The following FBXL5 variants were observed in gnomAD, a reference collection of about 807,000 sequenced individuals.
The protein encoded by FBXL5 is F-box/LRR-repeat protein 5.
FBXL5 carries 26 observed loss-of-function variants against 78.3 expected under a neutral mutation model. That is an observed-to-expected ratio of 0.33 (90% confidence interval 0.24 to 0.46). FBXL5 has a LOEUF of 0.46. Ranked by LOEUF, FBXL5 falls within the 20% of genes least tolerant of loss-of-function variation. FBXL5 has a pLI of 1.00. For missense variants in FBXL5, 710 were observed against 829.2 expected (o/e 0.86, Z 1.77); for synonymous variants, 295 against 282.5 (o/e 1.04, Z -0.45).
At chr4:15,638,739 T>G in intron 3 of FBXL5, 45 bp from the exon 4 acceptor site, 1 of 1,228,702 alleles carries the variant, frequency 8.1e-7, no homozygotes, top group Non-Finnish European at 1.2e-6. Flanking sequence ...TTCATTCGTG[T>G]TGATTTACTC....
intron 2 of FBXL5, among the ~76,000 whole-genome samples, chr4:15,643,258 C>T (rs1715068819): frequency 6.6e-6 from 1 of 152,146 alleles, no homozygotes; most frequent in African/African-American, 2.4e-5. Context: ...TTAGTCTTTT[C>T]TTTATCTTTA....
At chr4:15,610,929 A>G (rs1453726160) in intron 10 of FBXL5, among the ~76,000 whole-genome samples, 1 of 152,118 alleles carries the variant, frequency 6.6e-6, no homozygotes, top group East Asian at 1.9e-4. Flanking sequence ...CTACAATAAA[A>G]TAACTTTATG....
intron 4 of FBXL5, among the ~76,000 whole-genome samples, 161 bp downstream of exon 4, chr4:15,638,347 C>A (rs1028334432): frequency 1.4e-4 from 21 of 152,150 alleles, no homozygotes; most frequent in African/African-American, 4.3e-4. Flanking sequence ...AAAATGAGAA[C>A]CATCGTCTTC....
chr4:15,625,415 G>C lies in FBXL5; in HGVS notation c.1687C>G (p.Leu563Val), dbSNP rs1560218585. The C allele has an allele frequency of 6.2e-7, 1 of 1,614,144 alleles. No homozygotes were observed. Among genetic ancestry groups the C allele is most frequent in the East Asian group, 2.2e-5 (1 of 44,874 alleles). ...TGTALRTMSS[L>V]PESSAMCRKA... ...CTACACATTGCAGAAGATTCTGGGAGTGATGACATAGTTCTTAAAGCTGTT... is the reference window on the plus strand; with the variant it reads ...CTACACATTGCAGAAGATTCTGGGACTGATGACATAGTTCTTAAAGCTGTT... The change falls in exon 9 of 11, where the codon CTC becomes GTC. Residue 563 changes from leucine (L) to valine (V), a missense_variant. Around this residue, in one of 4 missense-constraint regions of FBXL5, gnomAD observed 517 missense variants for 542.9 expected, o/e 0.95. Coordinates refer to ENST00000341285, the MANE Select transcript of FBXL5 (RefSeq NM_012161.4).
chr4:15,679,562 CA>C (rs1202369624), intron 1 of FBXL5, among the ~76,000 whole-genome samples: 15,405 of 94,340 alleles, frequency 0.16, 762 homozygotes, highest in Non-Finnish European at 0.19. Context: ...AGTTCAGGAA[CA>C]AAAAAAAAAA....
intron 9 of FBXL5, among the ~76,000 whole-genome samples, chr4:15,617,914 C>T (rs376799599): frequency 1.7e-4 from 26 of 152,148 alleles, no homozygotes; most frequent in African/African-American, 5.3e-4. Flanking sequence ...CCATGGCACA[C>T]GTTTACCTAC....
intron 9 of FBXL5, among the ~76,000 whole-genome samples, chr4:15,623,324 G>A (rs1429594547): frequency 1.3e-5 from 2 of 151,564 alleles, no homozygotes; most frequent in Non-Finnish European, 2.9e-5. Flanking sequence ...GTAAGTTCTG[G>A]GTTTTTTAAA....
upstream of FBXL5, among the ~76,000 whole-genome samples, chr4:15,664,550 C>T (rs1161467379): frequency 1.3e-5 from 1 of 75,522 alleles, no homozygotes; most frequent in African/African-American, 5.3e-5. Flanking sequence ...GGCCCTCATC[C>T]TTTTTTTTTT....
At chr4:15,636,285 T>A (rs1195149893) in intron 5 of FBXL5, 1 of 408,608 alleles carries the variant, frequency 2.4e-6, no homozygotes, top group Non-Finnish European at 4.3e-6. Context: ...TTTCCTAATT[T>A]TTTTTAATTA....
At chr4:15,647,629 T>C (rs1715509418) in intron 1 of FBXL5, among the ~76,000 whole-genome samples, 1 of 152,252 alleles carries the variant, frequency 6.6e-6, no homozygotes, top group Non-Finnish European at 1.5e-5. Flanking sequence ...ATTAGTTTCA[T>C]GCCACAAACT....
intron 2 of FBXL5, 115 bp from the exon 3 acceptor site, chr4:15,640,998 T>C (rs1714812003): frequency 1.9e-6 from 1 of 527,272 alleles, no homozygotes; most frequent in Non-Finnish European, 3.3e-6. Context: ...AATAGACAAA[T>C]TGCAAAGTGG....
Position 15,627,903 on chromosome 4 carries a change from A to C in FBXL5, c.1023T>G (p.Ser341=), listed in dbSNP as rs1560221222. 1 of 1,612,102 alleles carries C rather than the reference A, an allele frequency of 6.2e-7. No homozygotes were observed. The highest frequency in any genetic ancestry group is 8.5e-7 in the Non-Finnish European group (1 of 1,179,406). Residue 341 remains serine (S), a synonymous_variant, in exon 7 of 11, where the codon TCT becomes TCG. Transcript: ENST00000341285. ...SVKTLVLAYS[S]AVSSKMVRQI... is the part of the protein sequence containing the mutation. ...AACATACCATTTTGCTGGAAACTGCAGAGCTGTATGCTAATACTAAGGTTT... is the reference window on the plus strand; with the variant it reads ...AACATACCATTTTGCTGGAAACTGCCGAGCTGTATGCTAATACTAAGGTTT...
At chr4:15,633,186 C>T (rs1389389099) in intron 5 of FBXL5, among the ~76,000 whole-genome samples, 3 of 152,180 alleles carry the variant, frequency 2.0e-5, no homozygotes, top group Admixed American at 6.5e-5. Context: ...AAATCTTTCT[C>T]TTTCAAACTA....
intron 1 of FBXL5, among the ~76,000 whole-genome samples, chr4:15,680,968 TATAA>T (rs1334534326): frequency 2.1e-5 from 3 of 146,062 alleles, no homozygotes; most frequent in Non-Finnish European, 3.0e-5. Context: ...CACATATATA[TATAA>T]ATATATATCT....
In FBXL5 at chr4:15,612,432, T is replaced by A. The variant is rs776424832; in HGVS notation, c.1851-18A>T. The A allele has an allele frequency of 3.1e-6, 5 of 1,589,942 alleles. No homozygotes were observed. In the East Asian group the frequency reaches 9.0e-5, roughly 29 times the overall value. ...TCAAAACCCTGTAAGAAAAATAATTTGACAATTAGAAGATACTAATCTATA... is the reference window on the plus strand; with the variant it reads ...TCAAAACCCTGTAAGAAAAATAATTAGACAATTAGAAGATACTAATCTATA... On this transcript the variant is annotated intron_variant, in intron 9 of 10. Coordinates refer to ENST00000341285, the MANE Select transcript of FBXL5 (RefSeq NM_012161.4).
intron 1 of FBXL5, among the ~76,000 whole-genome samples, chr4:15,669,815 A>C (rs1717688314): frequency 6.6e-6 from 1 of 152,138 alleles, no homozygotes; most frequent in Non-Finnish European, 1.5e-5. Context: ...AATACCACAT[A>C]TTTTACTGAT....
intron 1 of FBXL5, among the ~76,000 whole-genome samples, chr4:15,678,356 C>G (rs112761804): frequency 7.9e-5 from 12 of 152,252 alleles, no homozygotes; most frequent in Middle Eastern, 3.4e-3. Flanking sequence ...TTTGGCACAT[C>G]AAAAACTTCA....
intron 9 of FBXL5, among the ~76,000 whole-genome samples, chr4:15,617,949 A>G (rs148518784): frequency 3.3e-5 from 5 of 152,330 alleles, no homozygotes; most frequent in Admixed American, 3.3e-4. Context: ...CATCTCACAC[A>G]GATACCCTGA....
intron 9 of FBXL5, among the ~76,000 whole-genome samples, chr4:15,622,264 ATAAAT>A (rs1284010272): frequency 6.6e-6 from 1 of 152,218 alleles, no homozygotes; most frequent in East Asian, 1.9e-4. Flanking sequence ...TTCTATTCCT[ATAAAT>A]TAAGTTGTAT....
Sources: allele counts gnomAD v4.1 joint callset (sites outside exome capture counted in the v4.1 genomes callset), GRCh38; gene constraint gnomAD v4.1.1; regional missense constraint gnomAD v4.1.1; transcripts MANE v1.5; gene names NCBI Gene and HGNC (gene_info 2026-07-23, HGNC 2026-07-21).